Variants in CPO observed in about 807,000 individuals in gnomAD.
The protein encoded by CPO is metallocarboxypeptidase C.
In CPO, 43 loss-of-function variants were observed where a neutral mutation model predicts 41.2. That is an observed-to-expected ratio of 1.04 (90% CI 0.82 to 1.35). CPO has a LOEUF of 1.35. Ranked by LOEUF, CPO falls within the 40% of genes most tolerant of loss-of-function variation. CPO has a pLI of 0.00. For missense variants in CPO, 408 were observed against 451.7 expected, an observed-to-expected ratio of 0.90 and a Z score of 0.88; for synonymous variants, 178 against 162.7, an observed-to-expected ratio of 1.09 and a Z score of -0.72.
Position 206,959,683 on chromosome 2 carries a change from T to G in CPO, c.425T>G (p.Leu142Arg), listed in dbSNP as rs1693442841. Residue 142 changes from leucine to arginine, a missense_variant, in exon 5 of 9, where the codon CTG (leucine) becomes CGG (arginine). By Grantham distance (102) the Leu-to-Arg change is moderately radical (BLOSUM62 -2). Transcript: ENST00000272852. ...AGTATACGCAAGCTCCTTAGGAACC[T>G]GGACTTCTATGTCCTTCCAGTTCTT... is the stretch of plus-strand genomic sequence containing the variant. Reference protein sequence around the residue: ...NSSIRKLLRNLDFYVLPVLNI... With the variant: ...NSSIRKLLRNRDFYVLPVLNI... The G allele has an allele frequency of 6.3e-7, 1 of 1,580,588 alleles. No homozygotes were observed. Among genetic ancestry groups the G allele is most frequent in the East Asian group, 2.2e-5 (1 of 44,708 alleles).
intron 7 of CPO, among the ~76,000 whole-genome samples, chr2:206,963,611 A>T (rs2105828720): frequency 6.6e-6 from 1 of 152,292 alleles, no homozygotes; most frequent in African/African-American, 2.4e-5. Context: ...TCTTTTTATG[A>T]CTGGCTTTCA....
At chr2:206,941,958 C>A (rs1693037352) in intron 1 of CPO, among the ~76,000 whole-genome samples, 1 of 151,964 alleles carries the variant, frequency 6.6e-6, no homozygotes, top group Non-Finnish European at 1.5e-5. Context: ...TCTACTAATT[C>A]TTCTTTCTGG....
rs1411049402 is a variant in CPO, at chr2:206,943,006, T to C, written c.68+3339T>C. Reference sequence around the variant, plus strand: ...GGGCTTAGGAAGTAACAGACTCACATTTTGTAGACATTGTAGCCAAGAGTA... The same window carrying C: ...GGGCTTAGGAAGTAACAGACTCACACTTTGTAGACATTGTAGCCAAGAGTA... On this transcript the variant is annotated intron_variant, in intron 1 of 8. Transcript: ENST00000272852. 2.6e-5 allele frequency among the ~76,000 whole-genome samples: 4 copies of C among 152,266 alleles called. No individual in the cohort carries two copies. The East Asian group carries it at 7.7e-4, about 29-fold the overall frequency.
In CPO at chr2:206,969,334, G is replaced by A. The variant is rs1693642572; in HGVS notation, c.1023G>A (p.Leu341=). The change falls in exon 9 of 9, where the codon CTG becomes CTA. Residue 341 remains leucine (L), a synonymous_variant. Transcript: ENST00000272852. ...CCATGGAGGCTGTGCTGTCAGTCCT[G>A]GATGATGTGTATGCGAAACACTGGC... is the stretch of plus-strand genomic sequence containing the variant. ...EETMEAVLSV[L]DDVYAKHWHS... is the part of the protein sequence containing the mutation. 1.2e-6 allele frequency: 2 copies of A among 1,613,924 alleles called. No homozygotes were observed. Among genetic ancestry groups the A allele is most frequent in the South Asian group, 1.1e-5 (1 of 91,078 alleles).
At position 206,969,298 on chromosome 2, in the gene CPO, C is replaced by G; in HGVS notation, c.987C>G (p.Thr329=). 6.2e-7 allele frequency: 1 copy of G among 1,614,074 alleles called. No individual in the cohort carries two copies. Residue 329 remains threonine (T), a synonymous_variant, in exon 9 of 9, where the codon ACC becomes ACG. Coordinates refer to ENST00000272852, the MANE Select transcript of CPO (RefSeq NM_173077.3). ...FVLPEAQIQP[T]CEETMEAVLS... is the part of the protein sequence containing the mutation. ...TGCCAGAAGCTCAGATCCAGCCCAC[C>G]TGTGAGGAGACCATGGAGGCTGTGC...
intron 6 of CPO, among the ~76,000 whole-genome samples, chr2:206,962,197 C>T (rs1458458337): frequency 6.6e-6 from 1 of 151,906 alleles, no homozygotes; most frequent in Non-Finnish European, 1.5e-5. Flanking sequence ...TTTCTAAATC[C>T]TAACGTTATC....
intron 1 of CPO, among the ~76,000 whole-genome samples, 160 bp from the exon 2 acceptor site, chr2:206,949,457 G>T (rs1481466779): frequency 2.0e-5 from 3 of 152,122 alleles, no homozygotes; most frequent in East Asian, 1.9e-4. Context: ...GCTGCCCAAG[G>T]TCTCATAATT....
At chr2:206,946,186 A>G (rs1693141923) in intron 1 of CPO, among the ~76,000 whole-genome samples, 1 of 152,118 alleles carries the variant, frequency 6.6e-6, no homozygotes, top group Non-Finnish European at 1.5e-5. Flanking sequence ...AGAAAAAAAA[A>G]TTACAGACCA....
intron 7 of CPO, among the ~76,000 whole-genome samples, chr2:206,964,970 G>A (rs770624253): frequency 4.6e-5 from 7 of 152,168 alleles, no homozygotes; most frequent in African/African-American, 1.2e-4. Context: ...AAGATTGGAG[G>A]GTCTTGTACT....
In CPO at chr2:206,960,608, A is replaced by G. The variant is rs77628243; in HGVS notation, c.484-244A>G. 6.5e-3 allele frequency among the ~76,000 whole-genome samples: 987 copies of G among 152,294 alleles called. 5 individuals are homozygous for G. The highest frequency in any genetic ancestry group is 0.011 in the Non-Finnish European group (716 of 68,026). ...CTGCTCATGAGGAAAAGGCCAAACT[A>G]CTTCCTCCAATTTAATTGTTTACAT... On this transcript the variant is annotated intron_variant, in intron 5 of 8. Transcript: ENST00000272852.
intron 7 of CPO, among the ~76,000 whole-genome samples, chr2:206,963,479 A>T (rs912692500): frequency 6.6e-6 from 1 of 152,202 alleles, no homozygotes; most frequent in Non-Finnish European, 1.5e-5. Flanking sequence ...AATTGAAACT[A>T]TGCCTATTAA....
chr2:206,956,412 T>G lies in CPO; in HGVS notation c.267+848T>G, dbSNP rs56678664. On this transcript the variant is annotated intron_variant, in intron 3 of 8. Transcript: ENST00000272852. ...AAGGGCAGCACTTAAATCATCATCA[T>G]CATCAGCAGCAGCAGCAGCAGCATC... 0.014 allele frequency among the ~76,000 whole-genome samples: 2,024 copies of G among 145,194 alleles called. 85 individuals are homozygous for G. The East Asian group carries it at 0.15, about 11-fold the overall frequency.
intron 7 of CPO, among the ~76,000 whole-genome samples, chr2:206,963,983 C>T (rs538653567): frequency 6.6e-6 from 1 of 152,218 alleles, no homozygotes; most frequent in Non-Finnish European, 1.5e-5. Flanking sequence ...TCTCCACATT[C>T]TTGCCAACAC....
At chr2:206,956,521 A>G (rs1431913021) in intron 3 of CPO, among the ~76,000 whole-genome samples, 4 of 152,178 alleles carry the variant, frequency 2.6e-5, no homozygotes, top group Non-Finnish European at 4.4e-5. Context: ...CTGGAGCCCA[A>G]CAGTCTATTT....
chr2:206,962,768 C>T (rs780883195), intron 7 of CPO, among the ~76,000 whole-genome samples, 154 bp downstream of exon 7: 6 of 152,184 alleles, frequency 3.9e-5, no homozygotes, highest in Non-Finnish European at 7.3e-5. Flanking sequence ...CCTTGCCAGA[C>T]GCCTGCTGGG....
At chr2:206,956,649 A>G (rs1693372423) in intron 3 of CPO, among the ~76,000 whole-genome samples, 1 of 152,204 alleles carries the variant, frequency 6.6e-6, no homozygotes. Flanking sequence ...ATTTCTAACA[A>G]GTTCCTAGGT....
At chr2:206,955,588 C>G in intron 3 of CPO, 24 bp downstream of exon 3, 1 of 1,193,472 alleles carries the variant, frequency 8.4e-7, no homozygotes, top group Non-Finnish European at 1.3e-6. Flanking sequence ...CTGAGAATTA[C>G]CTTACCAGGA....
chr2:206,951,338 A>T (rs1344761249), intron 2 of CPO, among the ~76,000 whole-genome samples: 1 of 152,236 alleles, frequency 6.6e-6, no homozygotes, highest in Non-Finnish European at 1.5e-5. Context: ...GATACAGTGA[A>T]AAATTAGCTT....
At chr2:206,960,487 C>G (rs190847324) in intron 5 of CPO, among the ~76,000 whole-genome samples, 142 of 152,340 alleles carry the variant, frequency 9.3e-4, no homozygotes, top group Non-Finnish European at 1.4e-3. Context: ...ATCTGTCAAG[C>G]TATTTCCCTT....
Sources: allele counts gnomAD v4.1 joint callset (sites outside exome capture counted in the v4.1 genomes callset), GRCh38; gene constraint gnomAD v4.1.1; transcripts MANE v1.5; gene names NCBI Gene and HGNC (gene_info 2026-07-23, HGNC 2026-07-21).